The following SDK2 variants were observed in gnomAD, a reference collection of about 807,000 sequenced individuals.
SDK2 encodes the protein sidekick cell adhesion molecule 2, also known as protein sidekick-2.
SDK2 carries 105 observed loss-of-function variants against 253.9 expected under a neutral mutation model. That is an observed-to-expected ratio of 0.41 (90% CI 0.35 to 0.49). The LOEUF (loss-of-function observed/expected upper bound fraction) is 0.49. Among genes scored for constraint, SDK2 ranks in the 20% least tolerant of loss-of-function variants. The pLI, the probability that SDK2 is intolerant of heterozygous loss-of-function variation, is 0.06. For synonymous variants in SDK2, 1,249 were observed against 1,234.9 expected, an observed-to-expected ratio of 1.01 and a Z score of -0.24; for missense variants, 2,608 against 3,003.0, an observed-to-expected ratio of 0.87 and a Z score of 3.07.
intron 10 of SDK2, among the ~76,000 whole-genome samples, chr17:73,432,486 G>A (rs1228854567): frequency 1.3e-5 from 2 of 152,138 alleles, no homozygotes; most frequent in Non-Finnish European, 2.9e-5. Flanking sequence ...ACGTGCCTAG[G>A]TGTGCCCCTA....
chr17:73,421,447 C>T (rs561079081), intron 15 of SDK2, among the ~76,000 whole-genome samples: 2 of 152,282 alleles, frequency 1.3e-5, no homozygotes, highest in South Asian at 4.1e-4. Flanking sequence ...CCCATGACAT[C>T]TTTCTTGCTA....
At chr17:73,458,540 C>T (rs1262539665) in intron 3 of SDK2, among the ~76,000 whole-genome samples, 2 of 152,218 alleles carry the variant, frequency 1.3e-5, no homozygotes, top group Admixed American at 6.5e-5. Flanking sequence ...TTGGCAGCTT[C>T]ACTTGGCCTA....
intron 1 of SDK2, among the ~76,000 whole-genome samples, chr17:73,632,872 C>A (rs369927886): frequency 6.6e-6 from 1 of 152,154 alleles, no homozygotes; most frequent in African/African-American, 2.4e-5. Context: ...GTCCAGGAAG[C>A]CATGGGGACG....
intron 1 of SDK2, among the ~76,000 whole-genome samples, chr17:73,585,106 G>A (rs1963615190): frequency 6.6e-6 from 1 of 152,232 alleles, no homozygotes; most frequent in South Asian, 2.1e-4. Context: ...CACTGAGGCT[G>A]CTCAGACACC....
chr17:73,455,467 C>T lies in SDK2; in HGVS notation c.479+439G>A, dbSNP rs1041901900. Among the ~76,000 whole-genome samples the T allele has an allele frequency of 6.6e-6, 1 of 152,274 alleles. No individual in the cohort carries two copies. Among genetic ancestry groups the T allele is most frequent in the Non-Finnish European group, 1.5e-5 (1 of 68,014 alleles). ...CCGCACAGCCAAGACACACACAGCC[C>T]TCACACACCAGTAAACACCCTGCCA... On this transcript the variant is annotated intron_variant, in intron 4 of 44. Transcript: ENST00000392650. This position sits in a 1 kb window ranked among gnomAD's most constrained non-coding sequence, Gnocchi z 5.0.
At chr17:73,557,909 C>T (rs1426906382) in intron 1 of SDK2, among the ~76,000 whole-genome samples, 1 of 152,194 alleles carries the variant, frequency 6.6e-6, no homozygotes, top group African/African-American at 2.4e-5. Flanking sequence ...CTGGACTCAG[C>T]AGTAGAAATG....
chr17:73,436,813 A>G (rs1204633861), intron 8 of SDK2, among the ~76,000 whole-genome samples: 1 of 151,954 alleles, frequency 6.6e-6, no homozygotes, highest in Non-Finnish European at 1.5e-5. Flanking sequence ...TCATAATTTA[A>G]TTGGCTGCCT....
chr17:73,644,201 CG>C lies in SDK2; in HGVS notation c.-114del. 3.5e-6 allele frequency: 3 copies of C among 849,230 alleles called. No individual in the cohort carries two copies. Among genetic ancestry groups the C allele is most frequent in the Non-Finnish European group, 3.8e-6 (2 of 528,488 alleles). The allele number at this position is 849,230 out of a possible 1,614,324, so 52.6% of individuals were successfully genotyped here. The stretch of plus-strand genomic sequence containing the variant: ...AGTCCCAGGAAACAGTCAGTCTACG[CG>C]GCTCCGTGCCCCGGGGTGTAATATG... On this transcript the variant is annotated 5_prime_UTR_variant, in exon 1 of 45. Transcript: ENST00000392650. The surrounding 1 kb of genome is among the most constrained non-coding windows in gnomAD (Gnocchi z 6.3).
chr17:73,592,379 T>C (rs772828849), intron 1 of SDK2, among the ~76,000 whole-genome samples: 2 of 152,224 alleles, frequency 1.3e-5, no homozygotes, highest in Admixed American at 6.5e-5. Context: ...ACTGGACTAA[T>C]AAAAATTAAA....
intron 1 of SDK2, among the ~76,000 whole-genome samples, chr17:73,610,847 G>A (rs1203748543): frequency 1.3e-5 from 2 of 151,354 alleles, no homozygotes; most frequent in Non-Finnish European, 2.9e-5. Context: ...GTGCGTGTGT[G>A]TGTGTGTGTG....
Position 73,379,465 on chromosome 17 carries a change from A to C in SDK2, c.4847T>G (p.Val1616Gly). The C allele has an allele frequency of 6.2e-7, 1 of 1,601,812 alleles. No homozygotes were observed. The highest frequency in any genetic ancestry group is 8.5e-7 in the Non-Finnish European group (1 of 1,174,704). The change falls in exon 35 of 45, where the codon GTC becomes GGC. Residue 1616 changes from valine to glycine, a missense_variant. By Grantham distance (109) the Val-to-Gly change is moderately radical (BLOSUM62 -3). Coordinates refer to ENST00000392650, the MANE Select transcript of SDK2 (RefSeq NM_001144952.2). This position sits in a 1 kb window ranked among gnomAD's most constrained non-coding sequence, Gnocchi z 4.5. Reference sequence around the variant, plus strand: ...CTGCTCACCTGCCTCCCCAACAAAGACCTCCTGCGGGGGGCTGGAGGGCCC... The same window carrying C: ...CTGCTCACCTGCCTCCCCAACAAAGCCCTCCTGCGGGGGGCTGGAGGGCCC... ...GEGPSSPPQEVFVGEAVPTAA... is the reference protein window; with the variant it reads ...GEGPSSPPQEGFVGEAVPTAA...
intron 18 of SDK2, among the ~76,000 whole-genome samples, chr17:73,405,881 G>A (rs1467489671): frequency 4.7e-5 from 7 of 149,638 alleles, no homozygotes; most frequent in African/African-American, 1.8e-4. Flanking sequence ...CACCACGCCC[G>A]GCTAATTTTT....
intron 29 of SDK2, among the ~76,000 whole-genome samples, chr17:73,389,341 GC>G (rs1373590683): frequency 7.0e-6 from 1 of 143,622 alleles, no homozygotes; most frequent in African/African-American, 3.0e-5. Context: ...GTGCCACCAT[GC>G]CCAGCTAATT....
rs1568386877 is a variant in SDK2, at chr17:73,408,053, TTTTTTTTTTTTC to T, written c.2485-5924_2485-5913del. 5.0e-4 allele frequency among the ~76,000 whole-genome samples: 63 copies of T among 126,614 alleles called. 5 individuals are homozygous for T. Among genetic ancestry groups the T allele is most frequent in the Middle Eastern group, 4.3e-3 (1 of 230 alleles). 83.1% of individuals were successfully genotyped at this position (126,614 alleles called of 152,430 possible). On this transcript the variant is annotated intron_variant, in intron 18 of 44. Coordinates refer to ENST00000392650, the MANE Select transcript of SDK2 (RefSeq NM_001144952.2). ...CTAGGAAGTAAAATATTTCCTTTTT[TTTTTTTTTTTTC>T]TTTTGAGACAGAGTCTGGCTCTGTC...
chr17:73,389,183 CTTTTTTTTT>C lies in SDK2; in HGVS notation c.4192+1095_4192+1103del, dbSNP rs61085516. ...CACCACACCTGGCTGATATTCCTTT[CTTTTTTTTT>C]TTTTTTTTTTTGAGACGGTCTTGCT... On this transcript the variant is annotated intron_variant, in intron 29 of 44. Coordinates refer to ENST00000392650, the MANE Select transcript of SDK2 (RefSeq NM_001144952.2). 1.0e-3 allele frequency among the ~76,000 whole-genome samples: 103 copies of C among 99,024 alleles called. 1 individual carries two copies. The highest frequency in any genetic ancestry group is 4.6e-3 in the African/African-American group (100 of 21,592). The allele number at this position is 99,024 out of a possible 152,430, so 65.0% of individuals were successfully genotyped here.
intron 1 of SDK2, among the ~76,000 whole-genome samples, chr17:73,510,911 G>A (rs1027120545): frequency 2.0e-5 from 3 of 152,228 alleles, no homozygotes; most frequent in African/African-American, 4.8e-5. Context: ...GCTTCTTTCT[G>A]AGTGTGGACT....
chr17:73,363,330 G>A (rs529425321), intron 38 of SDK2, among the ~76,000 whole-genome samples: 1 of 152,284 alleles, frequency 6.6e-6, no homozygotes, highest in South Asian at 2.1e-4. Context: ...TCGGCCTCCC[G>A]AAGTGCTGGG....
At position 73,541,256 on chromosome 17, in the gene SDK2, G is replaced by C. The variant is rs1315313132; in HGVS notation, c.65-33659C>G. Reference sequence around the variant, plus strand: ...GGGGCTGCAGGGGATGGGCTGCAGTGTGTGGAAAGAGCTGCCTGCCAGGAG... The same window carrying C: ...GGGGCTGCAGGGGATGGGCTGCAGTCTGTGGAAAGAGCTGCCTGCCAGGAG... On this transcript the variant is annotated intron_variant, in intron 1 of 44. Transcript: ENST00000392650. This position sits in a 1 kb window ranked among gnomAD's most constrained non-coding sequence, Gnocchi z 4.3. Among the ~76,000 whole-genome samples the C allele has an allele frequency of 6.6e-6, 1 of 152,208 alleles. No individual in the cohort carries two copies. Among genetic ancestry groups the C allele is most frequent in the Non-Finnish European group, 1.5e-5 (1 of 68,034 alleles).
Position 73,379,497 on chromosome 17 carries a change from C to A in SDK2, c.4815G>T (p.Val1605=). The A allele has an allele frequency of 6.2e-7, 1 of 1,612,628 alleles. No homozygotes were observed. The highest frequency in any genetic ancestry group is 8.5e-7 in the Non-Finnish European group (1 of 1,179,322). Residue 1605 remains valine, a synonymous_variant, in exon 35 of 45, where the codon GTG becomes GTT. Coordinates refer to ENST00000392650, the MANE Select transcript of SDK2 (RefSeq NM_001144952.2). The surrounding 1 kb of genome is among the most constrained non-coding windows in gnomAD (Gnocchi z 4.5). ...YEIRMSVYNA[V]GEGPSSPPQE... is the part of the protein sequence containing the mutation. Reference sequence around the variant, plus strand: ...GCGGGGGGCTGGAGGGCCCCTCACCCACAGCGTTGTACACGCTCATCCGTA... The same window carrying A: ...GCGGGGGGCTGGAGGGCCCCTCACCAACAGCGTTGTACACGCTCATCCGTA...
Sources: allele counts gnomAD v4.1 joint callset (sites outside exome capture counted in the v4.1 genomes callset), GRCh38; gene constraint gnomAD v4.1.1; non-coding constraint Gnocchi (gnomAD v3.1); transcripts MANE v1.5; gene names NCBI Gene and HGNC (gene_info 2026-07-23, HGNC 2026-07-21).